WBP11: variants seen among roughly 807,000 people sequenced by gnomAD.
The protein encoded by WBP11 is WW domain binding protein 11.
In WBP11, 12 loss-of-function variants were observed where a neutral mutation model predicts 66.7. The ratio of observed to expected loss-of-function variants is 0.18; its 90% CI spans 0.12 to 0.29. The LOEUF (loss-of-function observed/expected upper bound fraction) is 0.29. Among genes scored for constraint, WBP11 ranks in the 10% least tolerant of loss-of-function variants. WBP11 has a pLI of 1.00. For missense variants in WBP11, 555 were observed against 818.3 expected (o/e 0.68, Z 3.93); for synonymous variants, 255 against 273.8 (o/e 0.93, Z 0.68).
chr12:14,794,775 G>A, intron 6 of WBP11, 39 bp from the exon 7 acceptor site: 8 of 1,531,750 alleles, frequency 5.2e-6, no homozygotes, highest in Non-Finnish European at 7.0e-6. Flanking sequence ...AACCCCCACA[G>A]TAATCACTTA....
chr12:14,800,521 C>T (rs1278751078), intron 3 of WBP11, among the ~76,000 whole-genome samples: 1 of 151,946 alleles, frequency 6.6e-6, no homozygotes, highest in Non-Finnish European at 1.5e-5. Context: ...TTTTTTAACT[C>T]ACTGGGAAAA....
At chr12:14,800,719 T>C (rs1398577166) in intron 3 of WBP11, 33 bp downstream of exon 3, 3 of 1,581,814 alleles carry the variant, frequency 1.9e-6, no homozygotes, top group Non-Finnish European at 2.6e-6. Context: ...CAAACAATAC[T>C]TAAAGTTTTA....
chr12:14,788,186 C>G (rs536801380), intron 11 of WBP11, among the ~76,000 whole-genome samples: 38 of 152,240 alleles, frequency 2.5e-4, no homozygotes, highest in Admixed American at 2.0e-3. Context: ...TTGCAGTGAG[C>G]TCAGATCGCG....
chr12:14,794,531 T>G lies in WBP11; in HGVS notation c.721+6A>C, dbSNP rs1160375939. The stretch of plus-strand genomic sequence containing the variant: ...TTATAAAAGCAAAAGAACAGTCACT[T>G]CTCACCAAGTTCAGGACTATATAAC... On this transcript the variant is annotated splice_donor_region_variant and intron_variant, in intron 7 of 11. Coordinates refer to ENST00000261167, the MANE Select transcript of WBP11 (RefSeq NM_016312.3). The G allele has an allele frequency of 6.2e-7, 1 of 1,613,236 alleles. No homozygotes were observed. The highest frequency in any genetic ancestry group is 1.7e-5 in the Admixed American group (1 of 60,012).
intron 3 of WBP11, among the ~76,000 whole-genome samples, chr12:14,800,483 G>GT: frequency 6.6e-6 from 1 of 151,980 alleles, no homozygotes; most frequent in East Asian, 1.9e-4. Context: ...GTTTTAATGA[G>GT]TAAAAAAAAG....
At chr12:14,789,181 G>A (rs747643324) in intron 10 of WBP11, 48 bp from the exon 11 acceptor site, 1 of 1,461,964 alleles carries the variant, frequency 6.8e-7, no homozygotes, top group South Asian at 1.5e-5. Context: ...TGTACACTAA[G>A]TAATAATTAT....
chr12:14,784,841 A>T lies in WBP11; in HGVS notation c.*2224T>A, dbSNP rs1375071372. ...TCATAGCTGTGAGCTGACCATTTTC[A>T]TGAAAATATTATGTAAATTATGATC... is the stretch of plus-strand genomic sequence containing the variant. On this transcript the variant is annotated 3_prime_UTR_variant, in exon 12 of 12. Transcript: ENST00000261167. 6.6e-6 allele frequency: 1 copy of T among 152,232 alleles called. No individual in the cohort carries two copies. Among genetic ancestry groups the T allele is most frequent in the Non-Finnish European group, 1.5e-5 (1 of 68,046 alleles). 9.4% of individuals were successfully genotyped at this position (152,232 alleles called of 1,614,324 possible).
chr12:14,789,478 G>T (rs958489757), intron 10 of WBP11, among the ~76,000 whole-genome samples: 1 of 152,122 alleles, frequency 6.6e-6, no homozygotes, highest in Non-Finnish European at 1.5e-5. Context: ...CCCGCTACTT[G>T]GGAGGCTGAG....
At chr12:14,789,698 T>C (rs1949798768) in intron 10 of WBP11, among the ~76,000 whole-genome samples, 1 of 152,210 alleles carries the variant, frequency 6.6e-6, no homozygotes, top group South Asian at 2.1e-4. Flanking sequence ...TCCGCAATGT[T>C]GGAAATATAC....
At chr12:14,790,835 A>G in intron 9 of WBP11, 86 bp from the exon 10 acceptor site, 1 of 1,300,370 alleles carries the variant, frequency 7.7e-7, no homozygotes, top group South Asian at 1.4e-5. Flanking sequence ...CACATGGTTA[A>G]TAAATGTGTT....
In WBP11 at chr12:14,785,601, G is replaced by A. The variant is rs1949744912; in HGVS notation, c.*1464C>T. ...GAAAGAATAAATCAGTATCTTCCAA[G>A]CAAAGCCAAACAAACAAAAGATCTT... On this transcript the variant is annotated 3_prime_UTR_variant, in exon 12 of 12. Transcript: ENST00000261167. 6.6e-6 allele frequency: 1 copy of A among 152,162 alleles called. No individual in the cohort carries two copies. Among genetic ancestry groups the A allele is most frequent in the Admixed American group, 6.5e-5 (1 of 15,284 alleles). The allele number at this position is 152,162 out of a possible 1,614,324, so 9.4% of individuals were successfully genotyped here. A position where few individuals can be genotyped will look rare whatever the true frequency, so the allele number is the denominator to read the frequency against.
Position 14,799,551 on chromosome 12 carries a change from A to G in WBP11, c.190+84T>C, listed in dbSNP as rs1592222978. ...AAATGCCATCATGCTGTTCTGTTTTACTTACGCCTATGCTGCTTCACTCGT... is the reference window on the plus strand; with the variant it reads ...AAATGCCATCATGCTGTTCTGTTTTGCTTACGCCTATGCTGCTTCACTCGT... On this transcript the variant is annotated intron_variant, in intron 4 of 11. Transcript: ENST00000261167. The G allele has an allele frequency of 2.0e-5, 25 of 1,259,430 alleles. No homozygotes were observed. In the East Asian group the frequency reaches 6.3e-4, roughly 32 times the overall value. The allele number at this position is 1,259,430 out of a possible 1,614,324, so 78.0% of individuals were successfully genotyped here.
rs1029892835 is a variant in WBP11, at chr12:14,785,565, T to G, written c.*1500A>C. The G allele has an allele frequency of 6.6e-6, 1 of 152,232 alleles. No homozygotes were observed. Among genetic ancestry groups the G allele is most frequent in the Non-Finnish European group, 1.5e-5 (1 of 68,040 alleles). The allele number at this position is 152,232 out of a possible 1,614,324, so 9.4% of individuals were successfully genotyped here. On this transcript the variant is annotated 3_prime_UTR_variant, in exon 12 of 12. Coordinates refer to ENST00000261167, the MANE Select transcript of WBP11 (RefSeq NM_016312.3). ...GTCTATTTAGTGCTTTGGCAGGATT[T>G]GCTTTAATATGAAAGAATAAATCAG... is the stretch of plus-strand genomic sequence containing the variant.
intron 8 of WBP11, among the ~76,000 whole-genome samples, chr12:14,792,164 C>T (rs1315289676): frequency 6.6e-6 from 1 of 151,750 alleles, no homozygotes; most frequent in Non-Finnish European, 1.5e-5. Flanking sequence ...AAAAAAAATA[C>T]AAGCAAGTTG....
rs1215024457 is a variant in WBP11 at position 14,784,891 on chromosome 12, ACTG to A, written c.*2171_*2173del. ...CATAACAAGTGTACCCAGAATCAGA[ACTG>A]CTAATTAATTCCCCTTTCCTGTGGA... On this transcript the variant is annotated 3_prime_UTR_variant, in exon 12 of 12. Coordinates refer to ENST00000261167, the MANE Select transcript of WBP11 (RefSeq NM_016312.3). The A allele has an allele frequency of 7.2e-5, 11 of 152,212 alleles. No individual in the cohort carries two copies. Among genetic ancestry groups the A allele is most frequent in the Non-Finnish European group, 1.0e-4 (7 of 68,012 alleles). 9.4% of individuals were successfully genotyped at this position (152,212 alleles called of 1,614,324 possible). A position where few individuals can be genotyped will look rare whatever the true frequency, so the allele number is the denominator to read the frequency against.
At chr12:14,798,462 A>G (rs1041260349) in intron 4 of WBP11, among the ~76,000 whole-genome samples, 2 of 152,198 alleles carry the variant, frequency 1.3e-5, no homozygotes, top group South Asian at 2.1e-4. Context: ...AAAACAACAC[A>G]TAACATTTGG....
chr12:14,796,155 G>T lies in WBP11; in HGVS notation c.387+652C>A, dbSNP rs1394492104. Among the ~76,000 whole-genome samples the T allele has an allele frequency of 6.6e-6, 1 of 151,984 alleles. No individual in the cohort carries two copies. The highest frequency in any genetic ancestry group is 2.4e-5 in the African/African-American group (1 of 41,370). On this transcript the variant is annotated intron_variant, in intron 5 of 11. Transcript: ENST00000261167. This position sits in a 1 kb window ranked among gnomAD's most constrained non-coding sequence, Gnocchi z 4.5. Reference sequence around the variant, plus strand: ...AATGAGATAAACTTAGCATGTTTTTGAGATTTACTCACAATTTTTCTTTTT... The same window carrying T: ...AATGAGATAAACTTAGCATGTTTTTTAGATTTACTCACAATTTTTCTTTTT...
chr12:14,798,886 T>G (rs1949925458), intron 4 of WBP11, among the ~76,000 whole-genome samples: 1 of 152,216 alleles, frequency 6.6e-6, no homozygotes, highest in African/African-American at 2.4e-5. Context: ...TATTTTATTT[T>G]CTTGCATGTT....
Position 14,785,195 on chromosome 12 carries a change from AG to A in WBP11, c.*1869del, listed in dbSNP as rs924341914. ...CTGAGGCCAGAGATCACTTGAACCCAGGAGTTTCAGGCTGCAGTGAGCTATG... is the reference window on the plus strand; with the variant it reads ...CTGAGGCCAGAGATCACTTGAACCCAGAGTTTCAGGCTGCAGTGAGCTATG... On this transcript the variant is annotated 3_prime_UTR_variant, in exon 12 of 12. Transcript: ENST00000261167. The A allele has an allele frequency of 5.3e-5, 8 of 152,174 alleles. No individual in the cohort carries two copies. The highest frequency in any genetic ancestry group is 5.2e-4 in the Admixed American group (8 of 15,266). The allele number at this position is 152,174 out of a possible 1,614,324, so 9.4% of individuals were successfully genotyped here.
Sources: allele counts gnomAD v4.1 joint callset (sites outside exome capture counted in the v4.1 genomes callset), GRCh38; gene constraint gnomAD v4.1.1; non-coding constraint Gnocchi (gnomAD v3.1); transcripts MANE v1.5; gene names NCBI Gene and HGNC (gene_info 2026-07-23, HGNC 2026-07-21).